The following HECW2 variants were observed in gnomAD, a reference collection of about 807,000 sequenced individuals.
The protein encoded by HECW2 is HECT, C2 and WW domain containing E3 ubiquitin protein ligase 2.
A neutral mutation model predicts 175.2 loss-of-function variants in HECW2; 61 were observed. The ratio of observed to expected loss-of-function variants is 0.35; its 90% CI spans 0.28 to 0.43. HECW2 has a LOEUF of 0.43. Among genes scored for constraint, HECW2 ranks in the 20% least tolerant of loss-of-function variants. The probability of loss-of-function intolerance (pLI) is 1.00; values close to 1 mark genes in which losing one functional copy is unlikely to be tolerated. For synonymous variants in HECW2, 671 were observed against 731.0 expected (o/e 0.92, Z 1.32); for missense variants, 1,524 against 2,000.5 (o/e 0.76, Z 4.54).
intron 1 of HECW2, among the ~76,000 whole-genome samples, chr2:196,568,985 GTT>G (rs1277324029): frequency 6.6e-6 from 1 of 152,120 alleles, no homozygotes; most frequent in African/African-American, 2.4e-5. Flanking sequence ...TAACCATCCT[GTT>G]TTTTACTTTC....
intron 26 of HECW2, 79 bp from the exon 27 acceptor site, chr2:196,217,172 C>T (rs1687505497): frequency 2.1e-6 from 2 of 944,896 alleles, no homozygotes; most frequent in Non-Finnish European, 3.3e-6. Flanking sequence ...ACGAAGAGTC[C>T]CCAGACATAA....
chr2:196,521,005 G>C (rs1183977849), intron 1 of HECW2, among the ~76,000 whole-genome samples: 1 of 152,148 alleles, frequency 6.6e-6, no homozygotes, highest in Admixed American at 6.5e-5. Context: ...ACAAAACCCA[G>C]CAGCCTTGTG....
chr2:196,549,133 A>G (rs1487975809), intron 1 of HECW2, among the ~76,000 whole-genome samples: 2 of 152,184 alleles, frequency 1.3e-5, no homozygotes, highest in Non-Finnish European at 2.9e-5. Flanking sequence ...ATCCTCTTAA[A>G]AGCCTTTTTA....
chr2:196,296,047 A>G (rs1191171242), intron 13 of HECW2, among the ~76,000 whole-genome samples: 1 of 152,222 alleles, frequency 6.6e-6, no homozygotes, highest in Non-Finnish European at 1.5e-5. Flanking sequence ...GCCAAACAGG[A>G]ACATACTTCT....
At chr2:196,553,836 A>C (rs1689690235) in intron 1 of HECW2, among the ~76,000 whole-genome samples, 1 of 148,692 alleles carries the variant, frequency 6.7e-6, no homozygotes, top group Non-Finnish European at 1.5e-5. Flanking sequence ...AGTAATATCC[A>C]ATCAGTAATA....
intron 1 of HECW2, among the ~76,000 whole-genome samples, chr2:196,593,299 C>T (rs1044882764): frequency 1.3e-5 from 2 of 151,164 alleles, no homozygotes; most frequent in East Asian, 2.0e-4. Flanking sequence ...GGGTCCTGCG[C>T]CTCCGGGAGG....
intron 13 of HECW2, among the ~76,000 whole-genome samples, chr2:196,293,288 TA>T (rs1282924609): frequency 6.6e-6 from 1 of 152,224 alleles, no homozygotes; most frequent in Non-Finnish European, 1.5e-5. Context: ...TTGCTGAGGA[TA>T]ATGGCTTCCA....
intron 10 of HECW2, among the ~76,000 whole-genome samples, chr2:196,315,137 C>T (rs1691641748): frequency 7.8e-6 from 1 of 129,022 alleles, no homozygotes; most frequent in Admixed American, 8.3e-5. Context: ...GGTCCTACAG[C>T]ACGAGTGTAT....
rs1693943159 is a variant in HECW2 at position 196,372,749 on chromosome 2, ATTTGCTTAACATTTTT to A, written c.293-29001_293-28986del. On this transcript the variant is annotated intron_variant, in intron 2 of 28. Transcript: ENST00000644978. ...GTTGCACACTAAATTTGTTCATTTT[ATTTGCTTAACATTTTT>A]TTTAGAAACCCAATTTTTAAGACAT... is the stretch of plus-strand genomic sequence containing the variant. 2.0e-5 allele frequency among the ~76,000 whole-genome samples: 3 copies of A among 152,094 alleles called. No individual in the cohort carries two copies. The South Asian group carries it at 6.2e-4, about 32-fold the overall frequency.
At chr2:196,554,212 G>C (rs1449350465) in intron 1 of HECW2, among the ~76,000 whole-genome samples, 4 of 152,018 alleles carry the variant, frequency 2.6e-5, no homozygotes, top group Non-Finnish European at 2.9e-5. Flanking sequence ...TGTAGTCCCA[G>C]CTACTCGGGA....
chr2:196,296,150 A>ATG (rs1248299826), intron 13 of HECW2, among the ~76,000 whole-genome samples: 2 of 152,064 alleles, frequency 1.3e-5, no homozygotes, highest in Admixed American at 6.6e-5. Context: ...TATATAGTTT[A>ATG]TGTGTGTGTA....
At chr2:196,278,133 A>AAAAAAAATATAT (rs531920307) in intron 15 of HECW2, among the ~76,000 whole-genome samples, 9 of 66,570 alleles carry the variant, frequency 1.4e-4, no homozygotes, top group South Asian at 6.5e-4. Flanking sequence ...ATAATTAAAA[A>AAAAAAAATATAT]ATATATATAT....
At chr2:196,475,216 T>C (rs1426625337) in intron 1 of HECW2, among the ~76,000 whole-genome samples, 1 of 151,992 alleles carries the variant, frequency 6.6e-6, no homozygotes, top group African/African-American at 2.4e-5. Context: ...AGGGCAGAAA[T>C]GAGGAACCTG....
chr2:196,267,667 TAGAC>T (rs1689567226), intron 17 of HECW2, among the ~76,000 whole-genome samples: 1 of 152,148 alleles, frequency 6.6e-6, no homozygotes, highest in Non-Finnish European at 1.5e-5. Flanking sequence ...CATAGCCACA[TAGAC>T]AGGAAGACAC....
chr2:196,485,095 G>T (rs1373811719), intron 1 of HECW2, among the ~76,000 whole-genome samples: 2 of 152,140 alleles, frequency 1.3e-5, no homozygotes, highest in Non-Finnish European at 2.9e-5. Flanking sequence ...AGGAGGAAAA[G>T]TCCAGAATAA....
At chr2:196,507,072 C>T (rs1687783161) in intron 1 of HECW2, among the ~76,000 whole-genome samples, 1 of 151,970 alleles carries the variant, frequency 6.6e-6, no homozygotes, top group South Asian at 2.1e-4. Flanking sequence ...AAAAGAATGG[C>T]TCAACATTGG....
chr2:196,516,044 T>C (rs1395407605), intron 1 of HECW2, among the ~76,000 whole-genome samples: 2 of 151,882 alleles, frequency 1.3e-5, no homozygotes, highest in Non-Finnish European at 2.9e-5. Flanking sequence ...GGCTAAGGCA[T>C]GAGCATCGCT....
intron 17 of HECW2, chr2:196,258,248 T>C: frequency 4.0e-6 from 1 of 252,688 alleles, no homozygotes; most frequent in Non-Finnish European, 7.7e-6. Context: ...GCCTGAATTT[T>C]AGCGATATAG....
intron 1 of HECW2, among the ~76,000 whole-genome samples, chr2:196,570,510 T>A (rs1690346037): frequency 1.3e-5 from 2 of 152,068 alleles, no homozygotes; most frequent in African/African-American, 4.8e-5. Context: ...ATGAGAACAC[T>A]TGGGACACAG....
Sources: gnomAD v4.1 joint callset for allele counts (sites outside exome capture counted in the v4.1 genomes callset) on GRCh38, gnomAD v4.1.1 for gene constraint, MANE v1.5 for transcripts, NCBI Gene and HGNC (gene_info 2026-07-23, HGNC 2026-07-21) for gene names.